Variants in LDB3 observed in about 807,000 individuals in gnomAD.
The protein encoded by LDB3 is LIM domain binding 3.
In LDB3, 49 loss-of-function variants were observed where a neutral mutation model predicts 69.0. The ratio of observed to expected loss-of-function variants is 0.71; its 90% CI spans 0.56 to 0.90. LDB3 has a LOEUF of 0.90. Among genes scored for constraint, LDB3 ranks in the 40% least tolerant of loss-of-function variants. The pLI, the probability that LDB3 is intolerant of heterozygous loss-of-function variation, is 0.00. For missense variants in LDB3, 928 were observed against 974.1 expected (o/e 0.95, Z 0.63); for synonymous variants, 387 against 396.2 (o/e 0.98, Z 0.28).
chr10:86,684,386 G>C (rs4934250), intron 5 of LDB3, among the ~76,000 whole-genome samples: 20,374 of 152,294 alleles, frequency 0.13, 1,578 homozygotes, highest in African/African-American at 0.21. Flanking sequence ...GCTGCCAAGG[G>C]AGGGCAGAGG....
chr10:86,720,399 C>A (rs1034425427), intron 12 of LDB3, among the ~76,000 whole-genome samples: 1 of 151,628 alleles, frequency 6.6e-6, no homozygotes, highest in Non-Finnish European at 1.5e-5. Flanking sequence ...AGCTGAGATA[C>A]TGCCGTTGCA....
chr10:86,730,107 A>G (rs201973243), intron 13 of LDB3, among the ~76,000 whole-genome samples: 2 of 90,924 alleles, frequency 2.2e-5, no homozygotes, highest in Admixed American at 1.1e-4. Flanking sequence ...CCAGAACCCA[A>G]TTGGAAGCCC....
intron 2 of LDB3, among the ~76,000 whole-genome samples, chr10:86,673,774 C>T (rs1415997698): frequency 6.8e-6 from 1 of 146,378 alleles, no homozygotes; most frequent in Non-Finnish European, 1.5e-5. Context: ...CCACCTGCCC[C>T]AGCCTCCACC....
intron 13 of LDB3, chr10:86,732,602 A>G (rs952033832): frequency 8.4e-6 from 4 of 476,998 alleles, no homozygotes; most frequent in African/African-American, 7.8e-5. Flanking sequence ...CCCGGGTTCA[A>G]GAGATTCTTC....
chr10:86,668,436 A>C, upstream of LDB3: 2 of 561,950 alleles, frequency 3.6e-6, no homozygotes, highest in Non-Finnish European at 3.3e-6. Context: ...GCTGGCAGGC[A>C]CAGTGTAGGG....
At position 86,699,493 on chromosome 10, in the gene LDB3, A is replaced by G. The variant is rs1156711271; in HGVS notation, c.896+6922A>G. 1 of 1,553,808 alleles carries G rather than the reference A, an allele frequency of 6.4e-7. No homozygotes were observed. Among genetic ancestry groups the G allele is most frequent in the African/African-American group, 1.4e-5 (1 of 73,284 alleles). ...GACAATGTATAACTCTGCTGGGGGCACCTCTGATGGCCAACCGCAGCATTT... is the reference window on the plus strand; with the variant it reads ...GACAATGTATAACTCTGCTGGGGGCGCCTCTGATGGCCAACCGCAGCATTT... On this transcript the variant is annotated intron_variant, in intron 7 of 13. Transcript: ENST00000361373. The surrounding 1 kb of genome is among the most constrained non-coding windows in gnomAD (Gnocchi z 4.9).
At chr10:86,707,792 C>A (rs1002969968) in intron 8 of LDB3, among the ~76,000 whole-genome samples, 1 of 152,216 alleles carries the variant, frequency 6.6e-6, no homozygotes, top group Non-Finnish European at 1.5e-5. Flanking sequence ...GGTGCCAAGC[C>A]CAACCTTTCC....
intron 13 of LDB3, among the ~76,000 whole-genome samples, chr10:86,726,986 C>T (rs1409637632): frequency 6.6e-6 from 1 of 150,974 alleles, no homozygotes; most frequent in Non-Finnish European, 1.5e-5. Context: ...CCCCTAATGT[C>T]AATCTGTCAT....
At chr10:86,732,013 T>C (rs1328963360) in intron 13 of LDB3, among the ~76,000 whole-genome samples, 3 of 142,526 alleles carry the variant, frequency 2.1e-5, no homozygotes, top group Admixed American at 6.8e-5. Context: ...CTTTTTCTTT[T>C]TTTTTTTTTT....
rs200432385 is a variant in LDB3, at chr10:86,680,182, G to A, written c.321+25G>A. The A allele has an allele frequency of 3.7e-6, 6 of 1,605,886 alleles. 1 individual carries two copies. The highest frequency in any genetic ancestry group is 5.1e-6 in the Non-Finnish European group (6 of 1,172,998). ...GGTAGGTGCTGACTGTGGCGGCGGG[G>A]TCCACTCAGCCCTGGTTCCTGGAGT... is the stretch of plus-strand genomic sequence containing the variant. On this transcript the variant is annotated intron_variant, in intron 4 of 13. Coordinates refer to ENST00000361373, the MANE Select transcript of LDB3 (RefSeq NM_007078.3).
At position 86,692,339 on chromosome 10, in the gene LDB3, G is replaced by A. The variant is rs370241492; in HGVS notation, c.860-196G>A. ...CGAGATGATTGCCCAGGGCTGGGATGAGGCCCTCTCAGGCTACCCCCTGAC... is the reference window on the plus strand; with the variant it reads ...CGAGATGATTGCCCAGGGCTGGGATAAGGCCCTCTCAGGCTACCCCCTGAC... On this transcript the variant is annotated intron_variant, in intron 6 of 13. Transcript: ENST00000361373. Among the ~76,000 whole-genome samples, 456 of 152,348 alleles carry A rather than the reference G, an allele frequency of 3.0e-3. 2 individuals are homozygous for A. The highest frequency in any genetic ancestry group is 4.9e-3 in the Non-Finnish European group (336 of 68,028).
At position 86,716,359 on chromosome 10, in the gene LDB3, G is replaced by A. The variant is rs192983732; in HGVS notation, c.1264G>A (p.Ala422Thr). ...ATCTACCTACAGCCCGTCCCCAGGG[G>A]CCAATTACAGTCCCACTCCCTACAC... ...PASTYSPSPG[A>T]NYSPTPYTPS... Residue 422 changes from alanine to threonine, a missense_variant, in exon 10 of 14, where the codon GCC (alanine) becomes ACC (threonine). Transcript: ENST00000361373. 4.2e-5 allele frequency: 68 copies of A among 1,610,586 alleles called. No individual in the cohort carries two copies. In the East Asian group the frequency reaches 1.5e-3, roughly 35 times the overall value.
rs1024825277 is a variant in LDB3, at chr10:86,692,423, G to A, written c.860-112G>A. The A allele has an allele frequency of 4.6e-6, 5 of 1,086,660 alleles. No individual in the cohort carries two copies. In the Admixed American group the frequency reaches 6.8e-5, roughly 15 times the overall value. 67.3% of individuals were successfully genotyped at this position (1,086,660 alleles called of 1,614,324 possible). A position where few individuals can be genotyped will look rare whatever the true frequency, so the allele number is the denominator to read the frequency against. ...CACACAGTGGACAGGCAAGGGGGCA[G>A]TCACCGTGTGGGGCCTGGCTGAATC... On this transcript the variant is annotated intron_variant, in intron 6 of 13. Transcript: ENST00000361373.
chr10:86,728,164 C>T (rs1847326771), intron 13 of LDB3, among the ~76,000 whole-genome samples: 1 of 152,156 alleles, frequency 6.6e-6, no homozygotes, highest in Non-Finnish European at 1.5e-5. Context: ...TTGTCTAGTC[C>T]TGAGGCACTG....
chr10:86,717,912 A>T, intron 10 of LDB3, 52 bp from the exon 11 acceptor site: 3 of 1,561,392 alleles, frequency 1.9e-6, no homozygotes, highest in Non-Finnish European at 1.8e-6. Flanking sequence ...TCAAATATCT[A>T]ATTCCAAGTT....
At chr10:86,730,907 C>T (rs1223743329) in intron 13 of LDB3, among the ~76,000 whole-genome samples, 1 of 152,076 alleles carries the variant, frequency 6.6e-6, no homozygotes, top group South Asian at 2.1e-4. Context: ...AATCCCAGCA[C>T]TTTGGGAGGC....
rs778911019 is a variant in LDB3, at chr10:86,680,094, C to T, written c.258C>T (p.Pro86=). ...CTGGTTTCTACAGATCAAAGCGTCCCATTCCCATCTCCACGACAGCACCTC... is the reference window on the plus strand; with the variant it reads ...CTGGTTTCTACAGATCAAAGCGTCCTATTCCCATCTCCACGACAGCACCTC... ...LSLTLQKSKR[P]IPISTTAPPV... is the part of the protein sequence containing the mutation. The change falls in exon 4 of 14, where the codon CCC becomes CCT. Residue 86 remains proline, a synonymous_variant. Transcript: ENST00000361373. The T allele has an allele frequency of 1.9e-6, 3 of 1,614,052 alleles. No individual in the cohort carries two copies. Among genetic ancestry groups the T allele is most frequent in the African/African-American group, 2.7e-5 (2 of 74,940 alleles).
chr10:86,674,879 C>T (rs1844697844), intron 2 of LDB3, among the ~76,000 whole-genome samples: 1 of 152,178 alleles, frequency 6.6e-6, no homozygotes, highest in Non-Finnish European at 1.5e-5. Flanking sequence ...CCAACCCACC[C>T]AGGCAGGCTG....
In LDB3 at chr10:86,680,080, A is replaced by G. The variant is rs1237038136; in HGVS notation, c.246-2A>G. ...ACCTGGTCTCATTTCTGGTTTCTAC[A>G]GATCAAAGCGTCCCATTCCCATCTC... is the stretch of plus-strand genomic sequence containing the variant. On this transcript the variant is annotated splice_acceptor_variant, in intron 3 of 13. Coordinates refer to ENST00000361373, the MANE Select transcript of LDB3 (RefSeq NM_007078.3). LOFTEE classifies it high-confidence loss of function. The G allele has an allele frequency of 6.2e-7, 1 of 1,613,982 alleles. No individual in the cohort carries two copies. The highest frequency in any genetic ancestry group is 1.1e-5 in the South Asian group (1 of 91,080).
Sources: gnomAD v4.1 joint callset for allele counts (sites outside exome capture counted in the v4.1 genomes callset) on GRCh38, gnomAD v4.1.1 for gene constraint, Gnocchi (gnomAD v3.1) non-coding constraint, MANE v1.5 for transcripts, NCBI Gene and HGNC (gene_info 2026-07-23, HGNC 2026-07-21) for gene names.